The following GNG12 variants were observed in gnomAD, a reference collection of about 807,000 sequenced individuals.
GNG12 encodes guanine nucleotide-binding protein G(I)/G(S)/G(O) subunit gamma-12.
For missense variants in GNG12, 69 were observed against 83.8 expected, an observed-to-expected ratio of 0.82 and a Z score of 0.69; for synonymous variants, 28 against 29.7, an observed-to-expected ratio of 0.94 and a Z score of 0.19.
intron 1 of GNG12, among the ~76,000 whole-genome samples, chr1:67,784,713 T>C (rs746691642): frequency 2.1e-4 from 32 of 152,192 alleles, no homozygotes; most frequent in Non-Finnish European, 2.6e-4. Flanking sequence ...AGGTAATATA[T>C]GCATTTGCTA....
At chr1:67,734,603 G>A (rs550797220) in intron 2 of GNG12, among the ~76,000 whole-genome samples, 1 of 152,264 alleles carries the variant, frequency 6.6e-6, no homozygotes, top group South Asian at 2.1e-4. Context: ...CAAAGCCCTT[G>A]TATCTAGCCA....
In GNG12 at chr1:67,701,713, T is replaced by A. The variant is rs1259537308; in HGVS notation, c.*3738A>T. On this transcript the variant is annotated 3_prime_UTR_variant, in exon 4 of 4. Coordinates refer to ENST00000370982, the MANE Select transcript of GNG12 (RefSeq NM_018841.6). ...CAAAGAATATTACATAACAACAAAA[T>A]CTCATCAATGATATATCAAATGCAA... is the stretch of plus-strand genomic sequence containing the variant. The A allele has an allele frequency of 6.6e-6, 1 of 152,468 alleles. No homozygotes were observed. The highest frequency in any genetic ancestry group is 1.5e-5 in the Non-Finnish European group (1 of 68,028). 9.4% of individuals were successfully genotyped at this position (152,468 alleles called of 1,614,324 possible).
At chr1:67,824,210 T>C (rs189010427) in intron 1 of GNG12, among the ~76,000 whole-genome samples, 1 of 152,156 alleles carries the variant, frequency 6.6e-6, no homozygotes, top group East Asian at 1.9e-4. Context: ...GTGAATTTGC[T>C]ATTTAAAGAA....
chr1:67,742,581 C>G (rs72922774), intron 2 of GNG12, among the ~76,000 whole-genome samples: 1 of 152,006 alleles, frequency 6.6e-6, no homozygotes, highest in East Asian at 1.9e-4. Context: ...CCTGAAATGA[C>G]AGGTAGGGTC....
chr1:67,763,939 C>A (rs1029088635), intron 2 of GNG12, among the ~76,000 whole-genome samples: 2 of 152,196 alleles, frequency 1.3e-5, no homozygotes, highest in Non-Finnish European at 2.9e-5. Flanking sequence ...AAGCCTTGAG[C>A]ACTGACATGC....
At chr1:67,755,926 AG>A (rs1166389952) in intron 2 of GNG12, among the ~76,000 whole-genome samples, 1 of 152,076 alleles carries the variant, frequency 6.6e-6, no homozygotes, top group Non-Finnish European at 1.5e-5. Flanking sequence ...AAGATGCTAA[AG>A]CCTTAAAATA....
chr1:67,803,425 T>C (rs1294268920), intron 1 of GNG12, among the ~76,000 whole-genome samples: 2 of 152,060 alleles, frequency 1.3e-5, no homozygotes, highest in Admixed American at 6.5e-5. Context: ...GAAAAAAAGG[T>C]TGAGAAGCAC....
chr1:67,783,062 TTTTGTATA>T (rs1646746395), intron 1 of GNG12, among the ~76,000 whole-genome samples: 1 of 152,206 alleles, frequency 6.6e-6, no homozygotes, highest in South Asian at 2.1e-4. Context: ...TAATATTACC[TTTTGTATA>T]TACTTGCTGT....
chr1:67,723,196 G>A (rs977906892), intron 2 of GNG12, among the ~76,000 whole-genome samples: 8 of 152,326 alleles, frequency 5.3e-5, no homozygotes, highest in African/African-American at 1.9e-4. Flanking sequence ...GAATGGGAGT[G>A]ACAGCCCAGA....
At chr1:67,816,606 C>T (rs953364368) in intron 1 of GNG12, among the ~76,000 whole-genome samples, 2 of 152,166 alleles carry the variant, frequency 1.3e-5, no homozygotes, top group African/African-American at 2.4e-5. Context: ...GTGGGCCCTG[C>T]CACTTACGGT....
rs1029780707 is a variant in GNG12, at chr1:67,833,437, T to C, written c.-170A>G. 1.1e-5 allele frequency: 11 copies of C among 984,958 alleles called. No individual in the cohort carries two copies. In the South Asian group the frequency reaches 1.9e-4, roughly 17 times the overall value. 61.0% of individuals were successfully genotyped at this position (984,958 alleles called of 1,614,324 possible). ...CCGACCTCTCCTCCTCCTCCTCCTC[T>C]TGCTCCTCCGGGCGCCGGCTCCGCC... On this transcript the variant is annotated 5_prime_UTR_variant, in exon 1 of 4. Coordinates refer to ENST00000370982, the MANE Select transcript of GNG12 (RefSeq NM_018841.6).
chr1:67,796,750 T>A (rs1311176086), intron 1 of GNG12, among the ~76,000 whole-genome samples: 1 of 152,166 alleles, frequency 6.6e-6, no homozygotes, highest in East Asian at 1.9e-4. Flanking sequence ...GGTAGTGTTG[T>A]TTATTTTGTG....
At chr1:67,723,051 A>T (rs1646364889) in intron 2 of GNG12, among the ~76,000 whole-genome samples, 1 of 152,258 alleles carries the variant, frequency 6.6e-6, no homozygotes, top group Non-Finnish European at 1.5e-5. Context: ...TCTATCTATC[A>T]AACATCATTA....
At chr1:67,779,689 G>A (rs1199725396) in intron 1 of GNG12, among the ~76,000 whole-genome samples, 3 of 152,158 alleles carry the variant, frequency 2.0e-5, no homozygotes, top group Non-Finnish European at 4.4e-5. Context: ...CAATAAGGTA[G>A]TATTCATTCA....
intron 1 of GNG12, among the ~76,000 whole-genome samples, chr1:67,799,476 T>A (rs1470104133): frequency 6.6e-6 from 1 of 152,206 alleles, no homozygotes; most frequent in Non-Finnish European, 1.5e-5. Flanking sequence ...TGACTTTGTA[T>A]CTAGTTAGGT....
intron 1 of GNG12, among the ~76,000 whole-genome samples, chr1:67,791,915 C>G (rs1298742): frequency 6.6e-6 from 1 of 152,188 alleles, no homozygotes; most frequent in Non-Finnish European, 1.5e-5. Flanking sequence ...TTGGCTCACT[C>G]TATCCAGCCA....
At chr1:67,801,223 T>C (rs1481991161) in intron 1 of GNG12, among the ~76,000 whole-genome samples, 1 of 152,210 alleles carries the variant, frequency 6.6e-6, no homozygotes, top group Non-Finnish European at 1.5e-5. Flanking sequence ...TCCTCACCTA[T>C]GCATCCCTGC....
At chr1:67,796,901 GA>G (rs1388352228) in intron 1 of GNG12, among the ~76,000 whole-genome samples, 1 of 152,210 alleles carries the variant, frequency 6.6e-6, no homozygotes, top group Admixed American at 6.5e-5. Flanking sequence ...CACTCATGGT[GA>G]AAGGCAAAGG....
chr1:67,797,355 C>T (rs763724489), intron 1 of GNG12, among the ~76,000 whole-genome samples: 12 of 152,108 alleles, frequency 7.9e-5, no homozygotes, highest in Non-Finnish European at 1.5e-4. Context: ...GACCCCCTGC[C>T]CTTTGTATGT....
Sources: gnomAD v4.1 joint callset for allele counts (sites outside exome capture counted in the v4.1 genomes callset) on GRCh38, gnomAD v4.1.1 for gene constraint, MANE v1.5 for transcripts, NCBI Gene and HGNC (gene_info 2026-07-23, HGNC 2026-07-21) for gene names.